Variants in THSD7B observed in about 807,000 individuals in gnomAD.
THSD7B encodes the protein thrombospondin type-1 domain-containing protein 7B.
Under a neutral mutation model 213.6 loss-of-function variants are expected in THSD7B, and 138 were observed. The ratio of observed to expected loss-of-function variants is 0.65; its 90% CI spans 0.56 to 0.74. The LOEUF is 0.74. Ranked by LOEUF, THSD7B falls within the 30% of genes least tolerant of loss-of-function variation. THSD7B has a pLI of 0.00. For synonymous variants in THSD7B, 742 were observed against 687.0 expected (o/e 1.08, Z -1.25); for missense variants, 1,931 against 1,991.5 (o/e 0.97, Z 0.58).
intron 4 of THSD7B, among the ~76,000 whole-genome samples, chr2:137,097,230 CT>C (rs1038707280): frequency 5.9e-5 from 9 of 151,724 alleles, no homozygotes; most frequent in Non-Finnish European, 1.2e-4. Context: ...CCTCCATTTT[CT>C]TTTTTAATAA....
intron 15 of THSD7B, among the ~76,000 whole-genome samples, chr2:137,460,576 T>TACA (rs1687865006): frequency 6.6e-6 from 1 of 152,166 alleles, no homozygotes; most frequent in East Asian, 1.9e-4. Flanking sequence ...GCTTCCTGTA[T>TACA]GGAAGCAGTC....
rs1255977729 is a variant in THSD7B, at chr2:136,921,339, A to T, written c.139+39022A>T. ...TAAATGGCCTTCTGCTATGTTGCTC[A>T]TGCTGTCCCAAACTCCTATGCTCAA... is the stretch of plus-strand genomic sequence containing the variant. On this transcript the variant is annotated intron_variant, in intron 2 of 27. Transcript: ENST00000409968. 2.0e-5 allele frequency among the ~76,000 whole-genome samples: 3 copies of T among 151,812 alleles called. No individual in the cohort carries two copies. In the East Asian group the frequency reaches 5.8e-4, roughly 29 times the overall value.
chr2:136,849,535 C>A (rs1425044859), intron 1 of THSD7B, among the ~76,000 whole-genome samples: 1 of 152,106 alleles, frequency 6.6e-6, no homozygotes, highest in Admixed American at 6.6e-5. Context: ...AATCTTCTTG[C>A]TAGAGAGATT....
At chr2:137,462,142 C>CT in intron 15 of THSD7B, among the ~76,000 whole-genome samples, 1 of 152,164 alleles carries the variant, frequency 6.6e-6, no homozygotes, top group Middle Eastern at 3.4e-3. Flanking sequence ...GTGATGAAAT[C>CT]TCATGCCTCA....
At chr2:137,382,073 C>G (rs1338772995) in intron 12 of THSD7B, among the ~76,000 whole-genome samples, 1 of 152,110 alleles carries the variant, frequency 6.6e-6, no homozygotes, top group East Asian at 1.9e-4. Flanking sequence ...ACTTGATGGA[C>G]CACTTGACGA....
At chr2:136,945,897 G>C (rs1684928293) in intron 2 of THSD7B, among the ~76,000 whole-genome samples, 1 of 152,128 alleles carries the variant, frequency 6.6e-6, no homozygotes, top group Non-Finnish European at 1.5e-5. Context: ...CTTGTGATGG[G>C]TTTGAACATC....
intron 21 of THSD7B, among the ~76,000 whole-genome samples, chr2:137,651,908 A>T (rs1189969669): frequency 6.6e-6 from 1 of 152,076 alleles, no homozygotes; most frequent in Non-Finnish European, 1.5e-5. Context: ...CCTTGTGATC[A>T]GAAAACATAC....
At chr2:136,829,959 T>C (rs1682721275) in intron 1 of THSD7B, among the ~76,000 whole-genome samples, 1 of 152,112 alleles carries the variant, frequency 6.6e-6, no homozygotes, top group Non-Finnish European at 1.5e-5. Flanking sequence ...TTATACAAGC[T>C]CTAAGTTGTG....
intron 3 of THSD7B, among the ~76,000 whole-genome samples, chr2:137,065,703 CAT>C (rs1687362003): frequency 6.6e-6 from 1 of 151,852 alleles, no homozygotes; most frequent in Non-Finnish European, 1.5e-5. Flanking sequence ...ATCAGTTATA[CAT>C]ATCTTAAACA....
intron 15 of THSD7B, among the ~76,000 whole-genome samples, chr2:137,490,739 T>C (rs748648496): frequency 6.6e-5 from 10 of 152,210 alleles, no homozygotes; most frequent in Non-Finnish European, 1.0e-4. Context: ...GCTAATCCTG[T>C]ATATGAAAGT....
intron 2 of THSD7B, among the ~76,000 whole-genome samples, chr2:136,941,739 G>A (rs2105060778): frequency 6.6e-6 from 1 of 152,214 alleles, no homozygotes; most frequent in Non-Finnish European, 1.5e-5. Flanking sequence ...GTAGATTCTG[G>A]ATATTAGCCC....
intron 1 of THSD7B, among the ~76,000 whole-genome samples, chr2:136,858,626 A>T (rs1683211975): frequency 6.6e-6 from 1 of 152,236 alleles, no homozygotes; most frequent in African/African-American, 2.4e-5. Context: ...CACTGTGAAC[A>T]TGTAGCTTCA....
chr2:137,260,813 G>T (rs1161416279), intron 10 of THSD7B, among the ~76,000 whole-genome samples: 1 of 152,192 alleles, frequency 6.6e-6, no homozygotes, highest in East Asian at 1.9e-4. Context: ...CTCTAGACAT[G>T]CAGTTTCCTA....
intron 3 of THSD7B, among the ~76,000 whole-genome samples, chr2:137,088,479 T>G (rs955281139): frequency 2.0e-5 from 3 of 151,716 alleles, no homozygotes; most frequent in African/African-American, 7.3e-5. Flanking sequence ...AAAATCAACT[T>G]AAGATGGATT....
intron 14 of THSD7B, among the ~76,000 whole-genome samples, chr2:137,428,397 A>G (rs945822095): frequency 2.0e-5 from 3 of 152,200 alleles, no homozygotes; most frequent in Non-Finnish European, 4.4e-5. Flanking sequence ...TCAGTTTCTC[A>G]CAAAGATAAA....
At chr2:137,628,307 G>T (rs775116077) in intron 20 of THSD7B, among the ~76,000 whole-genome samples, 2 of 152,102 alleles carry the variant, frequency 1.3e-5, no homozygotes, top group African/African-American at 4.8e-5. Flanking sequence ...CCTATATGAT[G>T]TTCTAAAAAT....
Position 137,115,279 on chromosome 2 carries a change from T to G in THSD7B, c.1355T>G (p.Leu452Arg), listed in dbSNP as rs752619516. The G allele has an allele frequency of 5.1e-6, 8 of 1,576,288 alleles. No homozygotes were observed. The South Asian group carries it at 5.9e-5, about 12-fold the overall frequency. ...CAQSVPAAAA[L>R]RAKEVSRPVE... ...CAGAGCGTACCAGCAGCTGCCGCAC[T>G]GAGGGCCAAGGAAGGTAGGCAGCCA... The change falls in exon 5 of 28, where the codon CTG becomes CGG. Residue 452 changes from leucine to arginine, a missense_variant. By Grantham distance (102) the Leu-to-Arg change is moderately radical (BLOSUM62 -2). Coordinates refer to ENST00000409968, the MANE Select transcript of THSD7B (RefSeq NM_001316349.2).
At chr2:137,219,954 T>C (rs1020607300) in intron 7 of THSD7B, among the ~76,000 whole-genome samples, 3 of 152,096 alleles carry the variant, frequency 2.0e-5, no homozygotes, top group Admixed American at 6.5e-5. Flanking sequence ...TATGGAAAAA[T>C]TGTGCTATAG....
intron 12 of THSD7B, among the ~76,000 whole-genome samples, chr2:137,378,904 G>GCT (rs759351781): frequency 1.4e-4 from 22 of 152,246 alleles, no homozygotes; most frequent in Non-Finnish European, 3.2e-4. Context: ...ACCCACATGT[G>GCT]TATTAGCTAT....
Sources: allele counts gnomAD v4.1 joint callset (sites outside exome capture counted in the v4.1 genomes callset), GRCh38; gene constraint gnomAD v4.1.1; transcripts MANE v1.5; gene names NCBI Gene and HGNC (gene_info 2026-07-23, HGNC 2026-07-21).